Variants in CAPN2 observed in about 807,000 individuals in gnomAD.
CAPN2 encodes the protein calpain-2 catalytic subunit.
A neutral mutation model predicts 102.3 loss-of-function variants in CAPN2; 92 were observed. The ratio of observed to expected loss-of-function variants is 0.90; its 90% CI spans 0.76 to 1.07. The LOEUF (loss-of-function observed/expected upper bound fraction) is 1.07, where lower values mean the gene tolerates loss of function less well. Ranked by LOEUF, CAPN2 falls within the 50% of genes least tolerant of loss-of-function variation. CAPN2 has a pLI of 0.00. For missense variants in CAPN2, 800 were observed against 909.4 expected, an observed-to-expected ratio of 0.88 and a Z score of 1.55; for synonymous variants, 340 against 355.4, an observed-to-expected ratio of 0.96 and a Z score of 0.49.
At chr1:223,769,940 G>C in intron 17 of CAPN2, 31 bp downstream of exon 17, 1 of 1,513,962 alleles carries the variant, frequency 6.6e-7, no homozygotes, top group South Asian at 1.2e-5. Flanking sequence ...GTGGATCTGT[G>C]TTGGGAAACA....
chr1:223,729,181 G>T (rs1313423034), intron 2 of CAPN2, among the ~76,000 whole-genome samples: 1 of 152,170 alleles, frequency 6.6e-6, no homozygotes, highest in Non-Finnish European at 1.5e-5. Context: ...CTTTACAATG[G>T]CATGAAAGCA....
In CAPN2 at chr1:223,745,365, C is replaced by T. The variant is rs377263295; in HGVS notation, c.486C>T (p.Asp162=). Residue 162 remains aspartate, a synonymous_variant, in exon 4 of 21, where the codon GAC becomes GAT. Transcript: ENST00000295006. ...TGGATGACAGGCTGCCCACCAAGGA[C>T]GGGGAGCTGCTCTTTGTGCATTCAG... ...VVVDDRLPTK[D]GELLFVHSAE... The T allele has an allele frequency of 4.6e-5, 75 of 1,614,048 alleles. No individual in the cohort carries two copies. The highest frequency in any genetic ancestry group is 1.7e-4 in the African/African-American group (13 of 74,922).
intron 2 of CAPN2, among the ~76,000 whole-genome samples, chr1:223,728,730 G>GATGTGT (rs1163032726): frequency 1.3e-5 from 2 of 152,170 alleles, no homozygotes; most frequent in Non-Finnish European, 2.9e-5. Flanking sequence ...GGGTGGGGAG[G>GATGTGT]ATGTGTTTTC....
At chr1:223,714,182 A>G (rs1659813621) in intron 1 of CAPN2, among the ~76,000 whole-genome samples, 1 of 152,066 alleles carries the variant, frequency 6.6e-6, no homozygotes. Context: ...CCTTCATAGC[A>G]TTGTCACAGT....
At chr1:223,771,523 G>A in intron 18 of CAPN2, 1 of 340,146 alleles carries the variant, frequency 2.9e-6, no homozygotes, top group South Asian at 5.3e-5. Flanking sequence ...GCAGCAGCAT[G>A]GTTAACAACA....
At chr1:223,711,564 T>G (rs1426027920), upstream of CAPN2, among the ~76,000 whole-genome samples, 1 of 152,248 alleles carries the variant, frequency 6.6e-6, no homozygotes, top group Non-Finnish European at 1.5e-5. Context: ...TATCTGAAAT[T>G]CAAATTAAAC....
In CAPN2 at chr1:223,747,166, G is replaced by GT. The variant is rs1437086261; in HGVS notation, c.729+2dup. ...CTCTCTCCTTGGCTGCTCCATCGAC[G>GT]TAAGTCCAGGCTGCCTTCCCTAGCC... is the stretch of plus-strand genomic sequence containing the variant. On this transcript the variant is annotated splice_donor_variant, in intron 5 of 20. Transcript: ENST00000295006. LOFTEE classifies it high-confidence loss of function. 3.1e-6 allele frequency: 5 copies of GT among 1,611,238 alleles called. No individual in the cohort carries two copies. The highest frequency in any genetic ancestry group is 3.4e-6 in the Non-Finnish European group (4 of 1,178,330).
In CAPN2 at chr1:223,775,402, A is replaced by AAG. The variant is rs1448381786; in HGVS notation, c.*547_*548dup. The AAG allele has an allele frequency of 2.0e-5, 3 of 153,490 alleles. No individual in the cohort carries two copies. The highest frequency in any genetic ancestry group is 7.2e-5 in the African/African-American group (3 of 41,452). The allele number at this position is 153,490 out of a possible 1,614,324, so 9.5% of individuals were successfully genotyped here. A position where few individuals can be genotyped will look rare whatever the true frequency, so the allele number is the denominator to read the frequency against. On this transcript the variant is annotated 3_prime_UTR_variant, in exon 21 of 21. Coordinates refer to ENST00000295006, the MANE Select transcript of CAPN2 (RefSeq NM_001748.5). ...AAGGCATCTGGAGAGTCCAGGAGAGAAGACTCACCTCTGTCGCTTGGGTTA... is the reference window on the plus strand; with the variant it reads ...AAGGCATCTGGAGAGTCCAGGAGAGAAGAGACTCACCTCTGTCGCTTGGGTTA...
upstream of CAPN2, among the ~76,000 whole-genome samples, chr1:223,710,403 G>A (rs1193035992): frequency 1.3e-4 from 20 of 152,150 alleles, no homozygotes; most frequent in Admixed American, 1.3e-3. Flanking sequence ...TCTTGGACTA[G>A]ATCATGTTTT....
chr1:223,762,459 G>T (rs1215248448), intron 14 of CAPN2, among the ~76,000 whole-genome samples: 4 of 152,158 alleles, frequency 2.6e-5, no homozygotes, highest in Non-Finnish European at 5.9e-5. Context: ...GCTTCCATTT[G>T]CATGGTCAGC....
intron 5 of CAPN2, among the ~76,000 whole-genome samples, chr1:223,748,509 C>T (rs1176621863): frequency 1.3e-5 from 2 of 152,214 alleles, no homozygotes; most frequent in Non-Finnish European, 2.9e-5. Flanking sequence ...CTGACTCAGA[C>T]CGGAATAAAC....
chr1:223,761,600 G>A lies in CAPN2; in HGVS notation c.1549G>A (p.Glu517Lys), dbSNP rs1054638889. ...ADYQAVDDEI[E>K]ANLEEFDISE... ...TTCCAGAGCTGTCGATGATGAAATC[G>A]AGGCCAATCTTGAAGAGGTATTTGT... Residue 517 changes from glutamate to lysine, a missense_variant, in exon 13 of 21, where the codon GAG becomes AAG. Transcript: ENST00000295006. The A allele has an allele frequency of 7.4e-6, 12 of 1,612,620 alleles. No homozygotes were observed. The highest frequency in any genetic ancestry group is 2.7e-5 in the African/African-American group (2 of 74,966).
chr1:223,736,432 G>A (rs1304758964), intron 2 of CAPN2, among the ~76,000 whole-genome samples: 22 of 152,198 alleles, frequency 1.4e-4, no homozygotes, highest in Admixed American at 1.4e-3. Flanking sequence ...GAGGGAGCAG[G>A]CAACCACCAG....
intron 2 of CAPN2, among the ~76,000 whole-genome samples, chr1:223,722,053 C>A (rs540627841): frequency 5.9e-5 from 9 of 152,098 alleles, no homozygotes; most frequent in African/African-American, 2.2e-4. Context: ...GAAACCAGAT[C>A]CTTGTCCTTG....
In CAPN2 at chr1:223,706,875, T is replaced by A. The variant is rs1659616829; in HGVS notation, c.3+5044T>A. The stretch of plus-strand genomic sequence containing the variant: ...TGGGTGGATCACCTGAGGTCAGGAG[T>A]TCAAGACCAGCCTGGACAACATGGC... On this transcript the variant is annotated intron_variant, in intron 1 of 20. Transcript: ENST00000433674. Among the ~76,000 whole-genome samples the A allele has an allele frequency of 2.0e-5, 3 of 150,264 alleles. 1 individual carries two copies. Among genetic ancestry groups the A allele is most frequent in the South Asian group, 4.3e-4 (2 of 4,688 alleles).
chr1:223,761,140 G>A (rs1351755038), intron 12 of CAPN2, among the ~76,000 whole-genome samples: 1 of 152,240 alleles, frequency 6.6e-6, no homozygotes, highest in Non-Finnish European at 1.5e-5. Context: ...AGTCTATGTT[G>A]GCAAAGGATA....
intron 2 of CAPN2, among the ~76,000 whole-genome samples, chr1:223,737,445 C>T (rs557667337): frequency 3.9e-5 from 6 of 152,228 alleles, no homozygotes; most frequent in South Asian, 2.1e-4. Context: ...GAGATGTCAT[C>T]GGTAGCCACC....
intron 17 of CAPN2, 56 bp from the exon 18 acceptor site, chr1:223,770,391 T>C: frequency 8.0e-7 from 1 of 1,243,336 alleles, no homozygotes; most frequent in Non-Finnish European, 1.2e-6. Flanking sequence ...ACTAGGGAGG[T>C]AACTTGCCAG....
At chr1:223,737,366 C>G (rs1660481017) in intron 2 of CAPN2, among the ~76,000 whole-genome samples, 1 of 152,198 alleles carries the variant, frequency 6.6e-6, no homozygotes, top group Non-Finnish European at 1.5e-5. Context: ...TTAGGAACCT[C>G]CAGGCAGGGC....
Sources: gnomAD v4.1 joint callset for allele counts (sites outside exome capture counted in the v4.1 genomes callset) on GRCh38, gnomAD v4.1.1 for gene constraint, MANE v1.5 for transcripts, NCBI Gene and HGNC (gene_info 2026-07-23, HGNC 2026-07-21) for gene names.